OR2AJ1: variants seen among roughly 807,000 people sequenced by gnomAD.
OR2AJ1 encodes the protein olfactory receptor family 2 subfamily AJ member 1, also known as olfactory receptor 2AJ1.
For synonymous variants in OR2AJ1, 105 were observed against 60.3 expected (o/e 1.74, Z -3.44); for missense variants, 280 against 163.2 (o/e 1.72, Z -3.90).
chr1:247,934,364 T>C lies in OR2AJ1; in HGVS notation c.596T>C (p.Val199Ala). Residue 199 changes from valine (V) to alanine (A), a missense_variant, in exon 2 of 2, where the codon GTT (valine) becomes GCT (alanine). Transcript: ENST00000318244. ...CADTTRYERG[V>A]CVSAVIFLLI... The stretch of plus-strand genomic sequence containing the variant: ...GACACAACACGCTATGAACGAGGGG[T>C]TTGTGTAAGTGCTGTGATCTTCCTG... 2 of 722,952 alleles carry C rather than the reference T, an allele frequency of 2.8e-6. No individual in the cohort carries two copies. Among genetic ancestry groups the C allele is most frequent in the Non-Finnish European group, 5.2e-6 (2 of 388,166 alleles). The allele number at this position is 722,952 out of a possible 1,614,324, so 44.8% of individuals were successfully genotyped here.
intron 1 of OR2AJ1, among the ~76,000 whole-genome samples, chr1:247,930,407 T>A (rs1444468681): frequency 6.6e-6 from 1 of 152,218 alleles, no homozygotes; most frequent in East Asian, 1.9e-4. Flanking sequence ...GTTTTAACAA[T>A]CTTCTTAGAT....
chr1:247,926,443 A>AT (rs1396211377), intron 1 of OR2AJ1, among the ~76,000 whole-genome samples: 3 of 152,136 alleles, frequency 2.0e-5, no homozygotes, highest in Non-Finnish European at 4.4e-5. Flanking sequence ...TATACCCCTT[A>AT]TTTTGGCCTC....
At chr1:247,932,331 G>A (rs1035548148) in intron 1 of OR2AJ1, among the ~76,000 whole-genome samples, 2 of 152,130 alleles carry the variant, frequency 1.3e-5, no homozygotes, top group African/African-American at 4.8e-5. Flanking sequence ...GCAAGACTCT[G>A]TCTCAAAAAC....
chr1:247,925,566 G>A (rs374381172), intron 1 of OR2AJ1, among the ~76,000 whole-genome samples: 2 of 152,000 alleles, frequency 1.3e-5, no homozygotes, highest in East Asian at 1.9e-4. Flanking sequence ...CAGCTTCACT[G>A]GAAATTAGAA....
intron 1 of OR2AJ1, among the ~76,000 whole-genome samples, chr1:247,928,639 A>G (rs116720239): frequency 5.3e-5 from 8 of 152,302 alleles, no homozygotes; most frequent in African/African-American, 1.4e-4. Flanking sequence ...CATAAGAAGC[A>G]AGTGTTGATT....
At chr1:247,931,882 GA>G (rs1374048260) in intron 1 of OR2AJ1, among the ~76,000 whole-genome samples, 14 of 152,194 alleles carry the variant, frequency 9.2e-5, no homozygotes, top group Admixed American at 6.5e-5. Context: ...AGGGAGTGGG[GA>G]AAAGTTAACT....
chr1:247,927,322 A>C (rs1660102553), intron 1 of OR2AJ1, among the ~76,000 whole-genome samples: 1 of 152,184 alleles, frequency 6.6e-6, no homozygotes, highest in African/African-American at 2.4e-5. Flanking sequence ...CAGTTCTATC[A>C]TCAGTAACAG....
chr1:247,929,599 GGTGTGTGTGTGTGT>G (rs1553341471), intron 1 of OR2AJ1, among the ~76,000 whole-genome samples: 1 of 147,448 alleles, frequency 6.8e-6, no homozygotes, highest in Non-Finnish European at 1.5e-5. Context: ...CCCTTCACTC[GGTGTGTGTGTGTGT>G]GTGTGTGTGT....
chr1:247,926,474 T>C (rs12120331), intron 1 of OR2AJ1, among the ~76,000 whole-genome samples: 108,025 of 152,018 alleles, frequency 0.71, 38,877 homozygotes, highest in Middle Eastern at 0.78. Flanking sequence ...GTTTGTCCAC[T>C]GTGGTCTTTT....
At chr1:247,927,683 G>A (rs184651816) in intron 1 of OR2AJ1, among the ~76,000 whole-genome samples, 2 of 151,978 alleles carry the variant, frequency 1.3e-5, no homozygotes, top group African/African-American at 4.8e-5. Flanking sequence ...TTAGGCCCTC[G>A]TGTTTCCCAG....
chr1:247,929,059 C>T (rs374318447), intron 1 of OR2AJ1, among the ~76,000 whole-genome samples: 17 of 151,868 alleles, frequency 1.1e-4, no homozygotes, highest in East Asian at 7.7e-4. Flanking sequence ...TCACTCACTC[C>T]GTAATGATTG....
intron 1 of OR2AJ1, among the ~76,000 whole-genome samples, chr1:247,928,452 G>A (rs1364175724): frequency 6.6e-6 from 1 of 152,088 alleles, no homozygotes; most frequent in Non-Finnish European, 1.5e-5. Context: ...ATTTTGCAGG[G>A]TGTTTTTTCA....
At chr1:247,931,724 A>G (rs1266761587) in intron 1 of OR2AJ1, among the ~76,000 whole-genome samples, 3 of 152,230 alleles carry the variant, frequency 2.0e-5, no homozygotes, top group African/African-American at 7.2e-5. Flanking sequence ...CCACTAAAAC[A>G]ATTAAATCAT....
intron 1 of OR2AJ1, among the ~76,000 whole-genome samples, chr1:247,929,599 G>GGTCTGTGTGTGTGTGTGTGTGTGT (rs138586638): frequency 6.8e-6 from 1 of 147,356 alleles, no homozygotes; most frequent in Non-Finnish European, 1.5e-5. Flanking sequence ...CCCTTCACTC[G>GGTCTGTGTGTGTGTGTGTGTGTGT]GTGTGTGTGT....
rs773995531 is a variant in OR2AJ1 at position 247,934,208 on chromosome 1, G to T, written c.440G>T (p.Gly147Val). Residue 147 changes from glycine to valine, a missense_variant, in exon 2 of 2, where the codon GGC becomes GTC. Physicochemically the swap from Gly to Val is moderately radical, Grantham distance 109 (BLOSUM62 -3). Coordinates refer to ENST00000318244, the MANE Select transcript of OR2AJ1 (RefSeq NM_001355235.2). Reference sequence around the variant, plus strand: ...TATGCCAGCGCTCTCATGGCTGGAGGCTCCTGGCTCATTGGGGTTTTCAAC... The same window carrying T: ...TATGCCAGCGCTCTCATGGCTGGAGTCTCCTGGCTCATTGGGGTTTTCAAC... ...KEYASALMAG[G>V]SWLIGVFNST... 5.6e-6 allele frequency: 4 copies of T among 718,542 alleles called. No individual in the cohort carries two copies. Among genetic ancestry groups the T allele is most frequent in the Non-Finnish European group, 1.0e-5 (4 of 385,698 alleles). The allele number at this position is 718,542 out of a possible 1,614,324, so 44.5% of individuals were successfully genotyped here.
At chr1:247,928,918 T>C (rs1039757038) in intron 1 of OR2AJ1, among the ~76,000 whole-genome samples, 132 of 151,952 alleles carry the variant, frequency 8.7e-4, no homozygotes, top group African/African-American at 2.9e-3. Context: ...CACGGTGAAA[T>C]CCCGTCTCTA....
chr1:247,926,237 CTTA>C (rs1660089827), intron 1 of OR2AJ1, among the ~76,000 whole-genome samples: 2 of 152,028 alleles, frequency 1.3e-5, no homozygotes, highest in Non-Finnish European at 2.9e-5. Context: ...CTCAATGTTA[CTTA>C]TTATATTATT....
intron 1 of OR2AJ1, among the ~76,000 whole-genome samples, chr1:247,926,963 T>C (rs1177125138): frequency 2.0e-5 from 3 of 152,190 alleles, no homozygotes; most frequent in Non-Finnish European, 4.4e-5. Flanking sequence ...GTCATTTCCT[T>C]GTCAGGCGCA....
Position 247,935,138 on chromosome 1 carries a change from T to C in OR2AJ1, c.*383T>C, listed in dbSNP as rs138572761. 7.1e-4 allele frequency: 122 copies of C among 172,922 alleles called. No homozygotes were observed. Among genetic ancestry groups the C allele is most frequent in the African/African-American group, 2.8e-3 (116 of 41,800 alleles). The allele number at this position is 172,922 out of a possible 1,614,324, so 10.7% of individuals were successfully genotyped here. On this transcript the variant is annotated 3_prime_UTR_variant, in exon 2 of 2. Transcript: ENST00000318244. Reference sequence around the variant, plus strand: ...TCACAAATTCCATATGAAATCATTATTCTTTGCCTGGTTTATCAACACCTT... The same window carrying C: ...TCACAAATTCCATATGAAATCATTACTCTTTGCCTGGTTTATCAACACCTT...
Sources: gnomAD v4.1 joint callset for allele counts (sites outside exome capture counted in the v4.1 genomes callset) on GRCh38, gnomAD v4.1.1 for gene constraint, MANE v1.5 for transcripts, NCBI Gene and HGNC (gene_info 2026-07-23, HGNC 2026-07-21) for gene names.